The following ADGRB3 variants were observed in gnomAD, a reference collection of about 807,000 sequenced individuals.
ADGRB3 encodes brain-specific angiogenesis inhibitor 3.
In ADGRB3, 37 loss-of-function variants were observed where a neutral mutation model predicts 193.4. The observed-to-expected ratio is 0.19, with a 90% confidence interval of 0.15 to 0.25. The LOEUF (loss-of-function observed/expected upper bound fraction) is 0.25, where lower values mean the gene tolerates loss of function less well. ADGRB3 is among the 10% of genes least tolerant of loss of function. The probability of loss-of-function intolerance (pLI) is 1.00; values close to 1 mark genes in which losing one functional copy is unlikely to be tolerated. For missense variants in ADGRB3, 1,637 were observed against 1,852.9 expected (o/e 0.88, Z 2.14); for synonymous variants, 690 against 644.2 (o/e 1.07, Z -1.08).
chr6:68,847,615 C>T (rs576957104), intron 3 of ADGRB3, among the ~76,000 whole-genome samples: 1 of 152,126 alleles, frequency 6.6e-6, no homozygotes, highest in Non-Finnish European at 1.5e-5. Context: ...TAAGAAGTGT[C>T]TTTTCGCCCT....
intron 3 of ADGRB3, among the ~76,000 whole-genome samples, chr6:68,925,832 C>T (rs1767164325): frequency 6.6e-6 from 1 of 151,800 alleles, no homozygotes; most frequent in Admixed American, 6.6e-5. Flanking sequence ...ATATCAGAAG[C>T]CATTTCTGAT....
At chr6:68,981,890 T>TTATTTATTTATA (rs1166175462) in intron 10 of ADGRB3, among the ~76,000 whole-genome samples, 1 of 140,410 alleles carries the variant, frequency 7.1e-6, no homozygotes, top group Non-Finnish European at 1.6e-5. Context: ...ATTTATTTAT[T>TTATTTATTTATA]TATTTTAGAC....
At chr6:68,803,130 G>A (rs781331103) in intron 3 of ADGRB3, among the ~76,000 whole-genome samples, 5 of 152,096 alleles carry the variant, frequency 3.3e-5, no homozygotes, top group African/African-American at 7.2e-5. Flanking sequence ...CTTTCTTTAA[G>A]TTTATTTATC....
intron 16 of ADGRB3, among the ~76,000 whole-genome samples, chr6:69,074,776 A>G (rs1772180559): frequency 6.6e-6 from 1 of 151,754 alleles, no homozygotes; most frequent in Non-Finnish European, 1.5e-5. Context: ...CAATCTCCTG[A>G]CCTCGTGATC....
chr6:69,331,749 T>C, intron 23 of ADGRB3: 1 of 985,156 alleles, frequency 1.0e-6, no homozygotes, highest in Non-Finnish European at 1.2e-6. Context: ...AGAAACACAG[T>C]GTGTATATAA....
chr6:69,079,347 C>G (rs1772322174), intron 17 of ADGRB3, among the ~76,000 whole-genome samples: 1 of 152,006 alleles, frequency 6.6e-6, no homozygotes, highest in South Asian at 2.1e-4. Context: ...TCAATAGATG[C>G]AGAAAAGACC....
chr6:69,200,167 T>G (rs1201473929), intron 17 of ADGRB3, among the ~76,000 whole-genome samples: 1 of 152,006 alleles, frequency 6.6e-6, no homozygotes. Flanking sequence ...GGGTCTGATA[T>G]TCTCATTTTC....
intron 3 of ADGRB3, among the ~76,000 whole-genome samples, chr6:68,786,779 C>T (rs1297501260): frequency 2.6e-5 from 4 of 151,034 alleles, no homozygotes; most frequent in Non-Finnish European, 3.0e-5. Flanking sequence ...ATTCTTCCTA[C>T]CCATGAGCAT....
intron 20 of ADGRB3, among the ~76,000 whole-genome samples, chr6:69,292,724 T>C (rs1767716356): frequency 6.6e-6 from 1 of 152,004 alleles, no homozygotes; most frequent in East Asian, 1.9e-4. Flanking sequence ...TTTTTTTTTT[T>C]TATTATTACC....
chr6:69,323,308 A>G (rs1023112382), intron 20 of ADGRB3, among the ~76,000 whole-genome samples: 3 of 151,994 alleles, frequency 2.0e-5, no homozygotes, highest in African/African-American at 7.2e-5. Context: ...CAAGTGGAAG[A>G]GTTGTCTTTG....
chr6:69,220,830 G>A (rs189492089), intron 17 of ADGRB3, among the ~76,000 whole-genome samples: 1 of 152,126 alleles, frequency 6.6e-6, no homozygotes. Flanking sequence ...TAAATACATG[G>A]CAATGCATAT....
At chr6:68,655,681 C>G (rs1338301441) in intron 3 of ADGRB3, among the ~76,000 whole-genome samples, 1 of 151,612 alleles carries the variant, frequency 6.6e-6, no homozygotes, top group Non-Finnish European at 1.5e-5. Context: ...CTCCTTTAGT[C>G]CTCATTTCAA....
chr6:69,073,715 G>A (rs1562147519), intron 16 of ADGRB3, among the ~76,000 whole-genome samples: 1 of 152,160 alleles, frequency 6.6e-6, no homozygotes, highest in Non-Finnish European at 1.5e-5. Flanking sequence ...CCACCTGGCT[G>A]TCTCAGTGAG....
intron 5 of ADGRB3, among the ~76,000 whole-genome samples, chr6:68,943,178 A>G (rs1376189960): frequency 6.6e-6 from 1 of 152,108 alleles, no homozygotes; most frequent in Non-Finnish European, 1.5e-5. Context: ...AGATTATCGT[A>G]TTTTCCATTC....
chr6:68,901,210 T>C (rs1766384365), intron 3 of ADGRB3, among the ~76,000 whole-genome samples: 2 of 152,048 alleles, frequency 1.3e-5, no homozygotes, highest in Non-Finnish European at 2.9e-5. Context: ...GGCCAGAATA[T>C]GGTCTTATCT....
At position 69,037,639 on chromosome 6, in the gene ADGRB3, T is replaced by G. The variant is rs140840095; in HGVS notation, c.2108-10546T>G. Among the ~76,000 whole-genome samples the G allele has an allele frequency of 4.6e-3, 693 of 152,034 alleles. 7 individuals carry two copies. The highest frequency in any genetic ancestry group is 0.016 in the African/African-American group (659 of 41,386). ...TATCCCTTTCTAAGTTAATGTGGTG[T>G]TGTTGTTCTCTCTCTCTCTCTCTCT... On this transcript the variant is annotated intron_variant, in intron 13 of 31. Transcript: ENST00000370598.
chr6:68,908,225 C>G (rs150512808), intron 3 of ADGRB3, among the ~76,000 whole-genome samples: 1 of 151,892 alleles, frequency 6.6e-6, no homozygotes, highest in South Asian at 2.1e-4. Context: ...CATTATTGAT[C>G]GATGACCAAT....
At chr6:68,875,150 C>CTCCTTCCT (rs201497712) in intron 3 of ADGRB3, among the ~76,000 whole-genome samples, 1,679 of 24,454 alleles carry the variant, frequency 0.069, 193 homozygotes, top group African/African-American at 0.079. Context: ...TCATTTCTTT[C>CTCCTTCCT]TCCTTCCTTC....
At chr6:68,656,154 T>C (rs1768485630) in intron 3 of ADGRB3, among the ~76,000 whole-genome samples, 1 of 151,662 alleles carries the variant, frequency 6.6e-6, no homozygotes, top group Admixed American at 6.6e-5. Context: ...AGCAATAAAA[T>C]ATAAATCCAT....
Sources: allele counts gnomAD v4.1 joint callset (sites outside exome capture counted in the v4.1 genomes callset), GRCh38; gene constraint gnomAD v4.1.1; transcripts MANE v1.5; gene names NCBI Gene and HGNC (gene_info 2026-07-23, HGNC 2026-07-21).